Variants in LNPEP observed in about 807,000 individuals in gnomAD.
LNPEP encodes leucyl-cystinyl aminopeptidase.
In LNPEP, 64 loss-of-function variants were observed where a neutral mutation model predicts 120.6. That is an observed-to-expected ratio of 0.53 (90% CI 0.43 to 0.65). The LOEUF is 0.65. LNPEP is among the 30% of genes least tolerant of loss of function. The pLI, the probability that LNPEP is intolerant of heterozygous loss-of-function variation, is 0.00. For synonymous variants in LNPEP, 435 were observed against 425.4 expected (o/e 1.02, Z -0.28); for missense variants, 1,057 against 1,200.0 (o/e 0.88, Z 1.76).
chr5:96,998,316 G>A (rs1790565677), intron 8 of LNPEP, among the ~76,000 whole-genome samples, 171 bp downstream of exon 8: 1 of 152,026 alleles, frequency 6.6e-6, no homozygotes, highest in African/African-American at 2.4e-5. Flanking sequence ...ACTTTTTTGT[G>A]GGTTTTTTTC....
chr5:96,965,384 G>C (rs910433327), intron 1 of LNPEP, among the ~76,000 whole-genome samples: 2 of 151,684 alleles, frequency 1.3e-5, no homozygotes, highest in Admixed American at 6.6e-5. Flanking sequence ...AAAAATCCTA[G>C]AATTCTGCCT....
rs3836860 is a variant in LNPEP at position 97,030,620 on chromosome 5, C to CTGTGTGTGTGTGTGTGTGTG, written c.*2117_*2136dup. The CTGTGTGTGTGTGTGTGTGTG allele has an allele frequency of 2.4e-5, 3 of 126,278 alleles. No individual in the cohort carries two copies. Among genetic ancestry groups the CTGTGTGTGTGTGTGTGTGTG allele is most frequent in the Non-Finnish European group, 5.0e-5 (3 of 59,460 alleles). The allele number at this position is 126,278 out of a possible 1,614,324, so 7.8% of individuals were successfully genotyped here. A position where few individuals can be genotyped will look rare whatever the true frequency, so the allele number is the denominator to read the frequency against. On this transcript the variant is annotated 3_prime_UTR_variant, in exon 18 of 18. Coordinates refer to ENST00000231368, the MANE Select transcript of LNPEP (RefSeq NM_005575.3). ...CATTTCTCTCCCTCTCTCTCTCTCT[C>CTGTGTGTGTGTGTGTGTGTG]TGTGTGTGTGTGTGTGTGTGTGTGT...
intron 11 of LNPEP, among the ~76,000 whole-genome samples, chr5:97,008,357 T>G (rs1166125600): frequency 7.9e-6 from 1 of 126,356 alleles, no homozygotes; most frequent in Non-Finnish European, 1.7e-5. Flanking sequence ...TTTTTTTTTT[T>G]TTTTTTTTTT....
chr5:96,988,621 T>A (rs887177643), intron 4 of LNPEP, among the ~76,000 whole-genome samples: 3 of 151,814 alleles, frequency 2.0e-5, no homozygotes, highest in African/African-American at 4.8e-5. Flanking sequence ...TTTTTAAAAA[T>A]TTTTTTAGTG....
At chr5:96,950,798 A>G (rs897448916) in intron 1 of LNPEP, among the ~76,000 whole-genome samples, 5 of 152,214 alleles carry the variant, frequency 3.3e-5, no homozygotes, top group Non-Finnish European at 4.4e-5. Flanking sequence ...GTGCGGTACT[A>G]TGAATACGTT....
At chr5:96,968,461 TATA>T (rs1174192221) in intron 1 of LNPEP, among the ~76,000 whole-genome samples, 1 of 152,076 alleles carries the variant, frequency 6.6e-6, no homozygotes, top group African/African-American at 2.4e-5. Context: ...GGAAAGTGAA[TATA>T]ATAATATTTG....
intron 13 of LNPEP, among the ~76,000 whole-genome samples, chr5:97,017,185 A>G (rs1204847071): frequency 2.6e-5 from 4 of 152,162 alleles, no homozygotes; most frequent in Non-Finnish European, 5.9e-5. Context: ...GGATAGGTGC[A>G]TAGTGGTACT....
At chr5:96,941,586 G>C (rs973688061) in intron 1 of LNPEP, among the ~76,000 whole-genome samples, 1 of 152,088 alleles carries the variant, frequency 6.6e-6, no homozygotes, top group Admixed American at 6.6e-5. Context: ...CCTTGTGGTG[G>C]TACAGTTCTT....
intron 4 of LNPEP, among the ~76,000 whole-genome samples, chr5:96,992,237 G>A (rs751662289): frequency 8.5e-5 from 13 of 152,098 alleles, no homozygotes; most frequent in African/African-American, 2.4e-4. Flanking sequence ...GTATGTACCC[G>A]GGAGTGAATG....
At chr5:97,019,476 T>G (rs1322727224) in intron 13 of LNPEP, among the ~76,000 whole-genome samples, 2 of 152,184 alleles carry the variant, frequency 1.3e-5, no homozygotes, top group Non-Finnish European at 2.9e-5. Context: ...TCTTAAAATG[T>G]TTTACTTTAT....
At chr5:97,027,618 T>A (rs576043133) in intron 16 of LNPEP, 115 bp from the exon 17 acceptor site, 1 of 671,094 alleles carries the variant, frequency 1.5e-6, no homozygotes, top group East Asian at 2.6e-5. Flanking sequence ...CAGTTGCAGT[T>A]CCGGGAGGAG....
rs777104592 is a variant in LNPEP at position 97,029,472 on chromosome 5, G to A, written c.*939G>A. 3.3e-5 allele frequency: 5 copies of A among 152,168 alleles called. No individual in the cohort carries two copies. The highest frequency in any genetic ancestry group is 4.8e-5 in the African/African-American group (2 of 41,388). 9.4% of individuals were successfully genotyped at this position (152,168 alleles called of 1,614,324 possible). On this transcript the variant is annotated 3_prime_UTR_variant, in exon 18 of 18. Transcript: ENST00000231368. Reference sequence around the variant, plus strand: ...AAGAATGCAATTTAAGTTGCCTTTTGGCATCATAGATCATAGAAACTTTCT... The same window carrying A: ...AAGAATGCAATTTAAGTTGCCTTTTAGCATCATAGATCATAGAAACTTTCT...
chr5:96,970,216 C>T (rs1400723417), intron 1 of LNPEP, among the ~76,000 whole-genome samples: 5 of 151,848 alleles, frequency 3.3e-5, no homozygotes, highest in South Asian at 2.1e-4. Flanking sequence ...TCCGATCTTC[C>T]GTGACCTTAC....
intron 2 of LNPEP, 102 bp downstream of exon 2, chr5:96,980,080 T>A (rs1169617745): frequency 7.9e-6 from 9 of 1,142,454 alleles, no homozygotes; most frequent in South Asian, 3.2e-5. Flanking sequence ...TTTTTTTTTT[T>A]AATTTAGGAA....
At chr5:96,970,202 T>G (rs891685925) in intron 1 of LNPEP, among the ~76,000 whole-genome samples, 7 of 152,072 alleles carry the variant, frequency 4.6e-5, no homozygotes, top group Non-Finnish European at 1.0e-4. Context: ...GTTAATAGTA[T>G]TGTTCCGATC....
At chr5:96,945,345 G>A (rs1327922892) in intron 1 of LNPEP, among the ~76,000 whole-genome samples, 1 of 150,566 alleles carries the variant, frequency 6.6e-6, no homozygotes, top group Non-Finnish European at 1.5e-5. Context: ...GGGCAAAGTG[G>A]AAGTGAGCTG....
chr5:96,985,262 C>T (rs1159382491), intron 3 of LNPEP, 44 bp downstream of exon 3: 1 of 1,535,982 alleles, frequency 6.5e-7, no homozygotes, highest in Non-Finnish European at 8.8e-7. Flanking sequence ...GAATGGGTCT[C>T]TTTCTTTAAG....
In LNPEP at chr5:97,027,755, A is replaced by G. The variant is rs11746232; in HGVS notation, c.2887A>G (p.Ile963Val). 0.093 allele frequency: 148,742 copies of G among 1,604,980 alleles called. 7,823 individuals carry two copies. The highest frequency in any genetic ancestry group is 0.16 in the Middle Eastern group (966 of 6,042). The change falls in exon 17 of 18, where the codon ATA becomes GTA. Residue 963 changes from isoleucine to valine, a missense_variant. By Grantham distance (29) the Ile-to-Val change is conservative (BLOSUM62 3). Coordinates refer to ENST00000231368, the MANE Select transcript of LNPEP (RefSeq NM_005575.3). ...VQKFPLGSYT[I>V]QNIVAGSTYL... Reference sequence around the variant, plus strand: ...CAGGTTCCCTCTGGGGTCCTATACCATACAAAATATTGTTGCTGGATCAAC... The same window carrying G: ...CAGGTTCCCTCTGGGGTCCTATACCGTACAAAATATTGTTGCTGGATCAAC...
Position 96,993,029 on chromosome 5 carries a change from T to G in LNPEP, c.1146T>G (p.Ala382=). Residue 382 remains alanine (A), a synonymous_variant, in exon 5 of 18, where the codon GCT becomes GCG. Coordinates refer to ENST00000231368, the MANE Select transcript of LNPEP (RefSeq NM_005575.3). ...TTTTCCTTTAGGTTTCTATATATGC[T>G]GTACCAGAAAAGATTGGTCAAGTTC... ...DVNGTLVSIY[A]VPEKIGQVHY... 1 of 1,593,246 alleles carries G rather than the reference T, an allele frequency of 6.3e-7. No homozygotes were observed. The highest frequency in any genetic ancestry group is 8.6e-7 in the Non-Finnish European group (1 of 1,168,816).
Sources: gnomAD v4.1 joint callset for allele counts (sites outside exome capture counted in the v4.1 genomes callset) on GRCh38, gnomAD v4.1.1 for gene constraint, MANE v1.5 for transcripts, NCBI Gene and HGNC (gene_info 2026-07-23, HGNC 2026-07-21) for gene names.